SFT2D2: variants seen among roughly 807,000 people sequenced by gnomAD.
The protein encoded by SFT2D2 is SFT2 domain containing 2.
In SFT2D2, 21 loss-of-function variants were observed where a neutral mutation model predicts 27.4. That is an observed-to-expected ratio of 0.77 (90% CI 0.54 to 1.10). SFT2D2 has a LOEUF of 1.10. SFT2D2 is among the 50% of genes least tolerant of loss of function. The probability of loss-of-function intolerance (pLI) is 0.00; values close to 1 mark genes in which losing one functional copy is unlikely to be tolerated. For missense variants in SFT2D2, 187 were observed against 194.2 expected, an observed-to-expected ratio of 0.96 and a Z score of 0.22; for synonymous variants, 72 against 71.7, an observed-to-expected ratio of 1.00 and a Z score of -0.02.
intron 3 of SFT2D2, among the ~76,000 whole-genome samples, chr1:168,233,217 A>G (rs1430680459): frequency 6.6e-6 from 1 of 152,158 alleles, no homozygotes; most frequent in Non-Finnish European, 1.5e-5. Context: ...TGTGCCTGGA[A>G]TGCTGCCCTA....
chr1:168,241,488 T>C (rs1168460854), intron 7 of SFT2D2, among the ~76,000 whole-genome samples: 4 of 151,848 alleles, frequency 2.6e-5, no homozygotes, highest in African/African-American at 9.7e-5. Flanking sequence ...CCACCATGCC[T>C]GGCCCCACCC....
chr1:168,247,712 A>G lies in SFT2D2; in HGVS notation c.*5172A>G, dbSNP rs1647857333. 1 of 152,256 alleles carries G rather than the reference A, an allele frequency of 6.6e-6. No homozygotes were observed. The highest frequency in any genetic ancestry group is 2.1e-4 in the South Asian group (1 of 4,834). The allele number at this position is 152,256 out of a possible 1,614,324, so 9.4% of individuals were successfully genotyped here. A position where few individuals can be genotyped will look rare whatever the true frequency, so the allele number is the denominator to read the frequency against. ...CCCAGTAATGAGATTGCTGGGTTAAATGGTATTTCTAGTTCTAGATCCTTG... is the reference window on the plus strand; with the variant it reads ...CCCAGTAATGAGATTGCTGGGTTAAGTGGTATTTCTAGTTCTAGATCCTTG... On this transcript the variant is annotated 3_prime_UTR_variant, in exon 8 of 8. Coordinates refer to ENST00000271375, the MANE Select transcript of SFT2D2 (RefSeq NM_199344.3).
Position 168,226,110 on chromosome 1 carries a change from C to T in SFT2D2, c.31C>T (p.Gln11Ter). 1 of 1,535,210 alleles carries T rather than the reference C, an allele frequency of 6.5e-7. No individual in the cohort carries two copies. The stretch of plus-strand genomic sequence containing the variant: ...CAAGCTGAAGAAGGTGCTGAGCGGG[C>T]AGGACACGGAGGACCGGAGCGGCCT... MDKLKKVLSG[Q>*]DTEDRSGLSE... The change falls in exon 1 of 8, where the codon CAG (glutamine) becomes TAG (stop). Residue 11 changes from glutamine to a stop codon, truncating the protein, a stop_gained. Transcript: ENST00000271375. LOFTEE classifies it high-confidence loss of function.
chr1:168,242,525 CGT>C lies in SFT2D2; in HGVS notation c.473_474del (p.Cys158SerfsTer25). 1 of 1,614,040 alleles carries C rather than the reference CGT, an allele frequency of 6.2e-7. No homozygotes were observed. Among genetic ancestry groups the C allele is most frequent in the Non-Finnish European group, 8.5e-7 (1 of 1,179,992 alleles). Reference sequence around the variant, plus strand: ...GGGATGCTGTGAAGAAGTGTTTTGCCGTGTGTCTTGCATAATTCATGGCCAGT... The same window carrying C: ...GGGATGCTGTGAAGAAGTGTTTTGCCGTGTCTTGCATAATTCATGGCCAGT... ...ARDAVKKCFA[V>X]CLA On this transcript the variant is annotated frameshift_variant, in exon 8 of 8. Transcript: ENST00000271375. LOFTEE classifies it high-confidence loss of function.
At position 168,245,912 on chromosome 1, in the gene SFT2D2, C is replaced by T. The variant is rs1192569156; in HGVS notation, c.*3372C>T. 1 of 153,728 alleles carries T rather than the reference C, an allele frequency of 6.5e-6. No individual in the cohort carries two copies. Among genetic ancestry groups the T allele is most frequent in the African/African-American group, 2.4e-5 (1 of 41,440 alleles). The allele number at this position is 153,728 out of a possible 1,614,324, so 9.5% of individuals were successfully genotyped here. A position where few individuals can be genotyped will look rare whatever the true frequency, so the allele number is the denominator to read the frequency against. ...CAAGTTTTTGTACGTGGCCTTGCGT[C>T]TCCTTAGTACATTTTATAGTCGCTG... On this transcript the variant is annotated 3_prime_UTR_variant, in exon 8 of 8. Transcript: ENST00000271375.
At position 168,236,607 on chromosome 1, in the gene SFT2D2, C is replaced by G. The variant is rs1647510118; in HGVS notation, c.337C>G (p.Leu113Val). 6.2e-7 allele frequency: 1 copy of G among 1,613,382 alleles called. No homozygotes were observed. ...CCTTTAGTTGTGTTTTGCACTTACC[C>G]TGTGTTCTGCCTTTTGGGTAAATGT... is the stretch of plus-strand genomic sequence containing the variant. The part of the protein sequence containing the change: ...IMVLLCFALT[L>V]CSAFWWHNKG... The change falls in exon 5 of 8, where the codon CTG becomes GTG. Residue 113 changes from leucine (L) to valine (V), a missense_variant. By Grantham distance (32) the Leu-to-Val change is conservative. Coordinates refer to ENST00000271375, the MANE Select transcript of SFT2D2 (RefSeq NM_199344.3).
Position 168,231,592 on chromosome 1 carries a change from T to C in SFT2D2, c.142T>C (p.Ser48Pro). 6.2e-7 allele frequency: 1 copy of C among 1,614,016 alleles called. No individual in the cohort carries two copies. The highest frequency in any genetic ancestry group is 8.5e-7 in the Non-Finnish European group (1 of 1,179,884). The stretch of plus-strand genomic sequence containing the variant: ...GTGTTTTGCTATAGGAATTCTCTGC[T>C]CACTGCTGGTAAGATTTCCCTTCCT... ...IACFAIGILC[S>P]LLGTVLLWVP... Residue 48 changes from serine to proline, a missense_variant, in exon 2 of 8, where the codon TCA (serine) becomes CCA (proline). Coordinates refer to ENST00000271375, the MANE Select transcript of SFT2D2 (RefSeq NM_199344.3).
At chr1:168,238,797 G>A (rs1572454499) in intron 6 of SFT2D2, among the ~76,000 whole-genome samples, 1 of 152,264 alleles carries the variant, frequency 6.6e-6, no homozygotes, top group African/African-American at 2.4e-5. Flanking sequence ...GTGCCATCTG[G>A]GTATTTGAAA....
chr1:168,227,634 T>A (rs1700475143), intron 1 of SFT2D2, among the ~76,000 whole-genome samples: 1 of 152,210 alleles, frequency 6.6e-6, no homozygotes, highest in Non-Finnish European at 1.5e-5. Context: ...CGGGTTTTTT[T>A]TTCTTGATTT....
chr1:168,231,328 A>G (rs892927279), intron 1 of SFT2D2, among the ~76,000 whole-genome samples, 186 bp from the exon 2 acceptor site: 5 of 152,214 alleles, frequency 3.3e-5, no homozygotes, highest in Admixed American at 2.0e-4. Flanking sequence ...GAGGAGATTC[A>G]TGTCTGCATA....
chr1:168,236,906 A>AAAGTG, intron 6 of SFT2D2, 136 bp downstream of exon 6: 1 of 1,116,354 alleles, frequency 9.0e-7, no homozygotes, highest in Non-Finnish European at 1.3e-6. Flanking sequence ...CGTAATGATG[A>AAAGTG]AAGTGAAGTC....
At chr1:168,241,685 G>A (rs1363903103) in intron 7 of SFT2D2, among the ~76,000 whole-genome samples, 1 of 150,110 alleles carries the variant, frequency 6.7e-6, no homozygotes, top group Non-Finnish European at 1.5e-5. Flanking sequence ...GCTGCCATGA[G>A]GGGGACTTAT....
In SFT2D2 at chr1:168,243,514, G is replaced by C. The variant is rs1201155831; in HGVS notation, c.*974G>C. 1 of 152,228 alleles carries C rather than the reference G, an allele frequency of 6.6e-6. No individual in the cohort carries two copies. Among genetic ancestry groups the C allele is most frequent in the Admixed American group, 6.5e-5 (1 of 15,276 alleles). 9.4% of individuals were successfully genotyped at this position (152,228 alleles called of 1,614,324 possible). A position where few individuals can be genotyped will look rare whatever the true frequency, so the allele number is the denominator to read the frequency against. ...ACGCCTGCCCAGTGACCTTTAAATA[G>C]TCCCAGTGTTTGCACTTAGCCTGTG... On this transcript the variant is annotated 3_prime_UTR_variant, in exon 8 of 8. Transcript: ENST00000271375.
intron 1 of SFT2D2, among the ~76,000 whole-genome samples, chr1:168,229,327 C>G (rs1700490299): frequency 6.6e-6 from 1 of 152,202 alleles, no homozygotes; most frequent in African/African-American, 2.4e-5. Flanking sequence ...TCAGGCCATT[C>G]TCTGGAATCT....
intron 6 of SFT2D2, among the ~76,000 whole-genome samples, chr1:168,238,394 C>T (rs1647561228): frequency 6.6e-6 from 1 of 151,962 alleles, no homozygotes; most frequent in Admixed American, 6.6e-5. Flanking sequence ...GGGTGGCTCA[C>T]ACTGTAATGC....
At chr1:168,238,250 T>C (rs1401492374) in intron 6 of SFT2D2, among the ~76,000 whole-genome samples, 1 of 152,032 alleles carries the variant, frequency 6.6e-6, no homozygotes, top group East Asian at 1.9e-4. Context: ...AGCATTTTTT[T>C]CTTCTTCTTT....
At chr1:168,242,416 C>T (rs1647674564) in intron 7 of SFT2D2, 85 bp from the exon 8 acceptor site, 2 of 1,470,316 alleles carry the variant, frequency 1.4e-6, no homozygotes, top group East Asian at 2.3e-5. Flanking sequence ...GCTTTCTACT[C>T]TGCAGCTTCC....
chr1:168,246,175 G>A lies in SFT2D2; in HGVS notation c.*3635G>A, dbSNP rs1397375002. ...TTTCTTTCAAATGATTAACTTTATTGATCATCCTCTTGTTCTTCTAGCAAA... is the reference window on the plus strand; with the variant it reads ...TTTCTTTCAAATGATTAACTTTATTAATCATCCTCTTGTTCTTCTAGCAAA... On this transcript the variant is annotated 3_prime_UTR_variant, in exon 8 of 8. Coordinates refer to ENST00000271375, the MANE Select transcript of SFT2D2 (RefSeq NM_199344.3). 8.1e-6 allele frequency: 2 copies of A among 247,958 alleles called. No individual in the cohort carries two copies. The highest frequency in any genetic ancestry group is 1.0e-4 in the Admixed American group (2 of 19,112). The allele number at this position is 247,958 out of a possible 1,614,324, so 15.4% of individuals were successfully genotyped here. A position where few individuals can be genotyped will look rare whatever the true frequency, so the allele number is the denominator to read the frequency against.
intron 1 of SFT2D2, among the ~76,000 whole-genome samples, chr1:168,230,381 G>A (rs1235446369): frequency 6.6e-6 from 1 of 152,180 alleles, no homozygotes; most frequent in Non-Finnish European, 1.5e-5. Flanking sequence ...GTGTGGTGTT[G>A]GTCTCTTACG....
Sources: allele counts gnomAD v4.1 joint callset (sites outside exome capture counted in the v4.1 genomes callset), GRCh38; gene constraint gnomAD v4.1.1; transcripts MANE v1.5; gene names NCBI Gene and HGNC (gene_info 2026-07-23, HGNC 2026-07-21).